Variants in GSTCD observed in about 807,000 individuals in gnomAD.
GSTCD encodes the protein glutathione S-transferase C-terminal domain containing.
In GSTCD, 44 loss-of-function variants were observed where a neutral mutation model predicts 68.3. The observed-to-expected ratio is 0.64, with a 90% CI of 0.51 to 0.83. The LOEUF (loss-of-function observed/expected upper bound fraction) is 0.83. GSTCD is among the 40% of genes least tolerant of loss of function. The pLI, the probability that GSTCD is intolerant of heterozygous loss-of-function variation, is 0.00. For missense variants in GSTCD, 739 were observed against 735.9 expected (o/e 1.00, Z -0.05); for synonymous variants, 273 against 255.2 (o/e 1.07, Z -0.67).
At chr4:105,726,231 G>A (rs952637493) in intron 3 of GSTCD, among the ~76,000 whole-genome samples, 2 of 152,048 alleles carry the variant, frequency 1.3e-5, no homozygotes, top group African/African-American at 4.8e-5. Context: ...GTAACTATAT[G>A]GATTAACTTC....
intron 5 of GSTCD, among the ~76,000 whole-genome samples, chr4:105,797,045 C>CGTGTGT (rs527275501): frequency 0.082 from 11,462 of 140,350 alleles, 1,258 homozygotes; most frequent in African/African-American, 0.25. Context: ...GACAGAGATA[C>CGTGTGT]ATGTGTGTGT....
chr4:105,740,508 C>A (rs909977157), intron 5 of GSTCD, among the ~76,000 whole-genome samples: 4 of 151,970 alleles, frequency 2.6e-5, no homozygotes, highest in Non-Finnish European at 5.9e-5. Flanking sequence ...TAGTCATTTT[C>A]ATTATGATGT....
At chr4:105,716,205 G>A (rs1443876158) in intron 1 of GSTCD, among the ~76,000 whole-genome samples, 3 of 152,090 alleles carry the variant, frequency 2.0e-5, no homozygotes, top group South Asian at 2.1e-4. Flanking sequence ...AGCAATAAGC[G>A]CTAGGAAGAA....
intron 5 of GSTCD, among the ~76,000 whole-genome samples, chr4:105,769,233 G>GATCACACACACACA (rs139425249): frequency 4.1e-4 from 60 of 146,338 alleles, no homozygotes; most frequent in Admixed American, 8.9e-4. Flanking sequence ...ATACACGCGC[G>GATCACACACACACA]CACACACACA....
intron 5 of GSTCD, among the ~76,000 whole-genome samples, chr4:105,765,900 TTCCTGAGGCC>T (rs1409441835): frequency 1.3e-5 from 2 of 152,168 alleles, no homozygotes; most frequent in African/African-American, 4.8e-5. Flanking sequence ...GATTGTAAGT[TTCCTGAGGCC>T]TCCCCAGCCA....
intron 11 of GSTCD, among the ~76,000 whole-genome samples, chr4:105,842,558 A>G (rs2149289407): frequency 6.6e-6 from 1 of 152,298 alleles, no homozygotes; most frequent in East Asian, 1.9e-4. Flanking sequence ...TGTATTATTT[A>G]TCATAGATGA....
intron 5 of GSTCD, among the ~76,000 whole-genome samples, chr4:105,775,882 G>A (rs1235360588): frequency 6.6e-6 from 1 of 152,216 alleles, no homozygotes; most frequent in African/African-American, 2.4e-5. Flanking sequence ...GTGCTGTGCT[G>A]GGAGATATGC....
chr4:105,712,584 G>C (rs910870362), intron 1 of GSTCD: 1 of 152,210 alleles, frequency 6.6e-6, no homozygotes, highest in African/African-American at 2.4e-5. Flanking sequence ...CCTGTTGTTG[G>C]AGAATGGACT....
intron 4 of GSTCD, among the ~76,000 whole-genome samples, chr4:105,727,526 GAA>G (rs74707949): frequency 2.4e-5 from 3 of 127,380 alleles, no homozygotes; most frequent in East Asian, 2.2e-4. Context: ...CTCTGTCTCG[GAA>G]AAAAAAAAAA....
intron 5 of GSTCD, among the ~76,000 whole-genome samples, chr4:105,792,225 A>G (rs540825560): frequency 6.6e-6 from 1 of 152,126 alleles, no homozygotes; most frequent in South Asian, 2.1e-4. Flanking sequence ...GAAACTGTGA[A>G]CTGTCTCATC....
In GSTCD at chr4:105,773,005, T is replaced by C. The variant is rs554424575; in HGVS notation, c.1240+43506T>C. On this transcript the variant is annotated intron_variant, in intron 5 of 11. Transcript: ENST00000515279. Reference sequence around the variant, plus strand: ...CTGGTCCTGGACTTTTTTTGGTTGGTAGGCTATTAATTACTGCCTCAATTT... The same window carrying C: ...CTGGTCCTGGACTTTTTTTGGTTGGCAGGCTATTAATTACTGCCTCAATTT... 4.6e-5 allele frequency among the ~76,000 whole-genome samples: 7 copies of C among 152,284 alleles called. 1 individual carries two copies. The South Asian group carries it at 1.5e-3, about 32-fold the overall frequency.
intron 5 of GSTCD, among the ~76,000 whole-genome samples, chr4:105,745,126 A>G (rs974678145): frequency 1.3e-5 from 2 of 152,166 alleles, no homozygotes; most frequent in Non-Finnish European, 2.9e-5. Flanking sequence ...ATAGCCTTTA[A>G]CATCATTATT....
chr4:105,763,390 C>T (rs1327967780), intron 5 of GSTCD, among the ~76,000 whole-genome samples: 1 of 152,102 alleles, frequency 6.6e-6, no homozygotes, highest in East Asian at 1.9e-4. Flanking sequence ...TTAATATTGA[C>T]TCCTAGAGCA....
intron 5 of GSTCD, among the ~76,000 whole-genome samples, chr4:105,762,654 T>C (rs1734458002): frequency 6.6e-6 from 1 of 152,214 alleles, no homozygotes; most frequent in African/African-American, 2.4e-5. Flanking sequence ...TGGTTTCTAT[T>C]GATGAACTTT....
intron 3 of GSTCD, among the ~76,000 whole-genome samples, chr4:105,724,251 ACT>A (rs931837323): frequency 2.0e-5 from 3 of 151,784 alleles, no homozygotes; most frequent in Non-Finnish European, 3.0e-5. Flanking sequence ...AAGCAAGAAC[ACT>A]CTAAATTTTC....
intron 5 of GSTCD, among the ~76,000 whole-genome samples, chr4:105,775,791 G>A (rs1578464701): frequency 6.6e-6 from 1 of 152,220 alleles, no homozygotes; most frequent in Non-Finnish European, 1.5e-5. Flanking sequence ...GTTGACCCCT[G>A]CTGGGAGGTG....
chr4:105,756,394 A>G (rs1016184478), intron 5 of GSTCD, among the ~76,000 whole-genome samples: 1 of 151,864 alleles, frequency 6.6e-6, no homozygotes, highest in Non-Finnish European at 1.5e-5. Flanking sequence ...AAGTCCACCC[A>G]AGAGTTGCCT....
intron 5 of GSTCD, among the ~76,000 whole-genome samples, chr4:105,787,682 C>T (rs1320836198): frequency 6.6e-6 from 1 of 151,814 alleles, no homozygotes; most frequent in Non-Finnish European, 1.5e-5. Context: ...GGAAAATTCT[C>T]CTTGGATTCT....
intron 5 of GSTCD, among the ~76,000 whole-genome samples, chr4:105,773,453 G>A (rs1734933826): frequency 6.6e-6 from 1 of 151,922 alleles, no homozygotes; most frequent in Non-Finnish European, 1.5e-5. Flanking sequence ...GTGATGTTAG[G>A]GTGTTGATTT....
Sources: gnomAD v4.1 joint callset for allele counts (sites outside exome capture counted in the v4.1 genomes callset) on GRCh38, gnomAD v4.1.1 for gene constraint, MANE v1.5 for transcripts, NCBI Gene and HGNC (gene_info 2026-07-23, HGNC 2026-07-21) for gene names.